Variants in CHDH observed in about 807,000 individuals in gnomAD.
CHDH encodes choline dehydrogenase, mitochondrial.
In CHDH, 43 loss-of-function variants were observed where a neutral mutation model predicts 56.9. That is an observed-to-expected ratio of 0.76 (90% CI 0.59 to 0.97). The LOEUF (loss-of-function observed/expected upper bound fraction) is 0.97, where lower values mean the gene tolerates loss of function less well. Ranked by LOEUF, CHDH falls within the 50% of genes least tolerant of loss-of-function variation. The pLI, the probability that CHDH is intolerant of heterozygous loss-of-function variation, is 0.00. For synonymous variants in CHDH, 364 were observed against 348.5 expected (o/e 1.04, Z -0.50); for missense variants, 816 against 821.1 (o/e 0.99, Z 0.08).
intron 5 of CHDH, 97 bp downstream of exon 5, chr3:53,821,550 T>G (rs1348670970): frequency 9.1e-7 from 1 of 1,097,624 alleles, no homozygotes; most frequent in Non-Finnish European, 1.3e-6. Flanking sequence ...GATCACTGAC[T>G]GCCACCACCT....
chr3:53,822,616 A>C lies in CHDH; in HGVS notation c.730T>G (p.Tyr244Asp). 1 of 1,611,450 alleles carries C rather than the reference A, an allele frequency of 6.2e-7. No individual in the cohort carries two copies. The highest frequency in any genetic ancestry group is 8.5e-7 in the Non-Finnish European group (1 of 1,179,874). Residue 244 changes from tyrosine to aspartate, a missense_variant, in exon 4 of 9, where the codon TAC (tyrosine) becomes GAC (aspartate). Coordinates refer to ENST00000315251, the MANE Select transcript of CHDH (RefSeq NM_018397.5). The part of the protein sequence containing the change: ...EGKRWSAACA[Y>D]LHPALSRTNL... The stretch of plus-strand genomic sequence containing the variant: ...GTGCGGCTCAGTGCTGGGTGCAGGT[A>C]GGCACAGGCCGCGCTCCACCGTTTG...
chr3:53,835,414 A>T (rs776964446), intron 2 of CHDH, among the ~76,000 whole-genome samples: 1 of 152,224 alleles, frequency 6.6e-6, no homozygotes. Flanking sequence ...CCAGGCTTGC[A>T]CTTGACCTTC....
Position 53,823,294 on chromosome 3 carries a change from G to A in CHDH, c.703+12C>T. ...GGTAGTGCTTTTTTAAAAAGAGAAGGGAGACCACTACCTTCATGGATGGTC... is the reference window on the plus strand; with the variant it reads ...GGTAGTGCTTTTTTAAAAAGAGAAGAGAGACCACTACCTTCATGGATGGTC... On this transcript the variant is annotated intron_variant, in intron 3 of 8. Coordinates refer to ENST00000315251, the MANE Select transcript of CHDH (RefSeq NM_018397.5). The A allele has an allele frequency of 1.3e-6, 2 of 1,518,086 alleles. No individual in the cohort carries two copies. Among genetic ancestry groups the A allele is most frequent in the East Asian group, 2.4e-5 (1 of 42,060 alleles). The allele number at this position is 1,518,086 out of a possible 1,614,324, so 94.0% of individuals were successfully genotyped here. A position where few individuals can be genotyped will look rare whatever the true frequency, so the allele number is the denominator to read the frequency against.
chr3:53,823,596 A>T lies in CHDH; in HGVS notation c.413T>A (p.Val138Asp). The change falls in exon 3 of 9, where the codon GTC becomes GAC. Residue 138 changes from valine (V) to aspartate (D), a missense_variant. Coordinates refer to ENST00000315251, the MANE Select transcript of CHDH (RefSeq NM_018397.5). ...GTCCTCGGCGTGCCCACGGACGTAG[A>T]CCATGGCATTGAGGGATGAGGAGCC... ...WGGSSSLNAM[V>D]YVRGHAEDYE... 1 of 1,543,792 alleles carries T rather than the reference A, an allele frequency of 6.5e-7. No individual in the cohort carries two copies. The highest frequency in any genetic ancestry group is 2.4e-5 in the East Asian group (1 of 40,872).
chr3:53,828,518 A>G (rs1453102619), intron 2 of CHDH, among the ~76,000 whole-genome samples: 7 of 152,272 alleles, frequency 4.6e-5, no homozygotes, highest in African/African-American at 1.7e-4. Context: ...AAGGACTACT[A>G]TGTAAATACA....
intron 6 of CHDH, 80 bp downstream of exon 6, chr3:53,820,393 GA>G: frequency 2.0e-6 from 3 of 1,497,222 alleles, no homozygotes; most frequent in Non-Finnish European, 2.7e-6. Flanking sequence ...CCAGTGGCCA[GA>G]ACCCCTGTTC....
intron 2 of CHDH, among the ~76,000 whole-genome samples, chr3:53,830,856 C>T (rs937455483): frequency 3.9e-5 from 6 of 152,058 alleles, no homozygotes; most frequent in Non-Finnish European, 5.9e-5. Context: ...CCCCCACCCC[C>T]ACAGGAACAC....
Position 53,816,120 on chromosome 3 carries a change from G to A in CHDH, c.*1657C>T. The A allele has an allele frequency of 1.4e-5, 2 of 142,120 alleles. No homozygotes were observed. The highest frequency in any genetic ancestry group is 2.2e-4 in the East Asian group (1 of 4,514). The allele number at this position is 142,120 out of a possible 1,614,324, so 8.8% of individuals were successfully genotyped here. ...AAGGTTTTTCTCAGAAAACTAACTT[G>A]TGGCTGTCGGACGCCCCCCCCCCCC... is the stretch of plus-strand genomic sequence containing the variant. On this transcript the variant is annotated 3_prime_UTR_variant, in exon 9 of 9. Transcript: ENST00000315251.
At position 53,812,643 on chromosome 3, in the gene CHDH, G is replaced by C. The variant is rs750859470; in HGVS notation, c.*5134C>G. The C allele has an allele frequency of 5.3e-5, 8 of 152,170 alleles. No individual in the cohort carries two copies. Among genetic ancestry groups the C allele is most frequent in the Non-Finnish European group, 1.2e-4 (8 of 68,030 alleles). 9.4% of individuals were successfully genotyped at this position (152,170 alleles called of 1,614,324 possible). A position where few individuals can be genotyped will look rare whatever the true frequency, so the allele number is the denominator to read the frequency against. ...GGTCCAGCTGGCTGCTCTGCCCCTT[G>C]GGTATCCATAGTTACGGTTTTCTCT... On this transcript the variant is annotated 3_prime_UTR_variant, in exon 9 of 9. Transcript: ENST00000315251.
At chr3:53,839,826 GACAA>G (rs2106985056) in intron 2 of CHDH, among the ~76,000 whole-genome samples, 1 of 152,292 alleles carries the variant, frequency 6.6e-6, no homozygotes, top group African/African-American at 2.4e-5. Flanking sequence ...CCCATTAATG[GACAA>G]ACAGATTTTT....
Position 53,822,560 on chromosome 3 carries a change from C to T in CHDH, c.786G>A (p.Val262=), listed in dbSNP as rs558882361. Residue 262 remains valine, a synonymous_variant, in exon 4 of 9, where the codon GTG becomes GTA. Coordinates refer to ENST00000315251, the MANE Select transcript of CHDH (RefSeq NM_018397.5). ...GGGTGCCCTCAAATAGCACCCTGCT[C>T]ACAAGCGTCTCGGCCTCGGCCTTGA... is the stretch of plus-strand genomic sequence containing the variant. ...TNLKAEAETL[V]SRVLFEGTRA... 2.4e-5 allele frequency: 38 copies of T among 1,613,542 alleles called. No individual in the cohort carries two copies. In the South Asian group the frequency reaches 3.8e-4, roughly 16 times the overall value.
rs761680630 is a variant in CHDH at position 53,821,639 on chromosome 3, G to A, written c.985+8C>T. The A allele has an allele frequency of 1.2e-6, 2 of 1,612,612 alleles. No homozygotes were observed. The highest frequency in any genetic ancestry group is 1.7e-5 in the Admixed American group (1 of 60,018). ...AGCCTCTGGGGAGCAGTAAAGAAGG[G>A]GACTCACCAGGTAGGTGGCACACCA... On this transcript the variant is annotated splice_region_variant and intron_variant, in intron 5 of 8. Transcript: ENST00000315251.
intron 1 of CHDH, among the ~76,000 whole-genome samples, chr3:53,842,069 G>C (rs1366744164): frequency 6.6e-6 from 1 of 151,746 alleles, no homozygotes; most frequent in Non-Finnish European, 1.5e-5. Context: ...CTTGAGCCCA[G>C]TGAGCGGATT....
intron 1 of CHDH, chr3:53,844,798 G>C (rs984195077): frequency 6.6e-6 from 1 of 152,290 alleles, no homozygotes; most frequent in Non-Finnish European, 1.5e-5. Flanking sequence ...AGCCAACCAG[G>C]TGGCCTTTCT....
intron 2 of CHDH, among the ~76,000 whole-genome samples, chr3:53,831,001 C>A (rs1167554726): frequency 1.3e-5 from 2 of 152,204 alleles, no homozygotes; most frequent in East Asian, 3.9e-4. Flanking sequence ...TCTTAAGTGG[C>A]CTTTCCGGAC....
chr3:53,838,100 G>C (rs1392626014), intron 2 of CHDH, among the ~76,000 whole-genome samples: 2 of 145,488 alleles, frequency 1.4e-5, no homozygotes, highest in East Asian at 4.0e-4. Flanking sequence ...TGTAAGATTG[G>C]AAACCTGGAG....
Position 53,820,530 on chromosome 3 carries a change from G to A in CHDH, c.1064C>T (p.Ala355Val). 6.2e-7 allele frequency: 1 copy of A among 1,614,098 alleles called. No individual in the cohort carries two copies. The highest frequency in any genetic ancestry group is 8.5e-7 in the Non-Finnish European group (1 of 1,179,976). ...ACTRPITLHS[A>V]QKPLRKVCIG... ...GCAGACCTTCCGCAGGGGCTTCTGTGCTGAATGGAGGGTGATAGGGCGGGT... is the reference window on the plus strand; with the variant it reads ...GCAGACCTTCCGCAGGGGCTTCTGTACTGAATGGAGGGTGATAGGGCGGGT... The change falls in exon 6 of 9, where the codon GCA (alanine) becomes GTA (valine). Residue 355 changes from alanine (A) to valine (V), a missense_variant. Transcript: ENST00000315251.
chr3:53,825,025 G>GT (rs1297419526), intron 2 of CHDH, among the ~76,000 whole-genome samples: 2 of 152,208 alleles, frequency 1.3e-5, no homozygotes, highest in East Asian at 1.9e-4. Flanking sequence ...GGAGACAGAG[G>GT]TGGCGGGGCC....
chr3:53,826,623 T>C (rs1035073011), intron 2 of CHDH, among the ~76,000 whole-genome samples: 2 of 149,460 alleles, frequency 1.3e-5, no homozygotes, highest in Admixed American at 1.3e-4. Context: ...GTAAAGAATA[T>C]CTACAAAAAC....
Sources: gnomAD v4.1 joint callset for allele counts (sites outside exome capture counted in the v4.1 genomes callset) on GRCh38, gnomAD v4.1.1 for gene constraint, MANE v1.5 for transcripts, NCBI Gene and HGNC (gene_info 2026-07-23, HGNC 2026-07-21) for gene names.